Variants in ATP9B observed in about 807,000 individuals in gnomAD.
The protein encoded by ATP9B is ATPase phospholipid transporting 9B, also known as probable phospholipid-transporting ATPase IIB.
Under a neutral mutation model 146.1 loss-of-function variants are expected in ATP9B, and 110 were observed. The ratio of observed to expected loss-of-function variants is 0.75; its 90% CI spans 0.65 to 0.88. The LOEUF is 0.88. Among genes scored for constraint, ATP9B ranks in the 40% least tolerant of loss-of-function variants. ATP9B has a pLI of 0.00. For synonymous variants in ATP9B, 604 were observed against 569.7 expected, an observed-to-expected ratio of 1.06 and a Z score of -0.86; for missense variants, 1,499 against 1,496.4, an observed-to-expected ratio of 1.00 and a Z score of -0.03.
chr18:79,192,298 A>G (rs545775772), intron 8 of ATP9B, among the ~76,000 whole-genome samples: 10 of 152,228 alleles, frequency 6.6e-5, no homozygotes, highest in Admixed American at 3.3e-4. Flanking sequence ...ATGGAAATCA[A>G]AATTATAGAA....
chr18:79,283,728 T>C (rs375488699), intron 13 of ATP9B, among the ~76,000 whole-genome samples: 1 of 152,208 alleles, frequency 6.6e-6, no homozygotes, highest in Non-Finnish European at 1.5e-5. Flanking sequence ...GCAGAGCATA[T>C]TGACACTGAC....
intron 9 of ATP9B, among the ~76,000 whole-genome samples, chr18:79,200,762 C>CTGTCGGGGTCAGAGCAGAG (rs376428579): frequency 5.6e-4 from 15 of 26,784 alleles, no homozygotes; most frequent in African/African-American, 1.2e-3. Flanking sequence ...GAGGTGGGAA[C>CTGTCGGGGTCAGAGCAGAG]GTTGGGGTCA....
rs376573401 is a variant in ATP9B at position 79,069,424 on chromosome 18, T to G, written c.14T>G (p.Ile5Ser). ...GGCGGTCGGAACATGGCGGACCAGA[T>G]CCCGCTTTACCCGGTGCGTAGCGCA... Reference protein sequence around the residue: MADQIPLYPVRSAAA... With the variant: MADQSPLYPVRSAAA... The change falls in exon 1 of 30, where the codon ATC becomes AGC. Residue 5 changes from isoleucine (I) to serine (S), a missense_variant. By Grantham distance (142) the Ile-to-Ser change is moderately radical. Transcript: ENST00000426216. 11 of 1,518,144 alleles carry G rather than the reference T, an allele frequency of 7.2e-6. No individual in the cohort carries two copies. The highest frequency in any genetic ancestry group is 9.7e-6 in the Non-Finnish European group (11 of 1,136,278). 94.0% of individuals were successfully genotyped at this position (1,518,144 alleles called of 1,614,324 possible).
In ATP9B at chr18:79,336,588, T is replaced by C. The variant is rs1467967162; in HGVS notation, c.2029-40T>C. 3.1e-6 allele frequency: 5 copies of C among 1,590,048 alleles called. No homozygotes were observed. In the East Asian group the frequency reaches 1.1e-4, roughly 36 times the overall value. On this transcript the variant is annotated intron_variant, in intron 17 of 29. Coordinates refer to ENST00000426216, the MANE Select transcript of ATP9B (RefSeq NM_198531.5). ...TGGCCCCACACACGGCCACAGGGGC[T>C]CTGCAGGGCCCACCTGTGACTCGGC...
rs561931887 is a variant in ATP9B, at chr18:79,109,843, G to A, written c.294-512G>A. The stretch of plus-strand genomic sequence containing the variant: ...GGCCTCCCAAAGTGCTGGGATTACC[G>A]ATGTGAGCCACCACGCCTGGCCTGA... On this transcript the variant is annotated intron_variant, in intron 2 of 29. Coordinates refer to ENST00000426216, the MANE Select transcript of ATP9B (RefSeq NM_198531.5). Among the ~76,000 whole-genome samples the A allele has an allele frequency of 2.7e-3, 417 of 152,230 alleles. 1 individual carries two copies. Among genetic ancestry groups the A allele is most frequent in the African/African-American group, 7.8e-3 (322 of 41,542 alleles).
intron 7 of ATP9B, among the ~76,000 whole-genome samples, chr18:79,170,172 C>G (rs1213234772): frequency 6.6e-6 from 1 of 152,194 alleles, no homozygotes; most frequent in Non-Finnish European, 1.5e-5. Context: ...CGGTAACTTT[C>G]ATTCACCGGC....
At position 79,153,456 on chromosome 18, in the gene ATP9B, A is replaced by C. The variant is rs531512145; in HGVS notation, c.727-1048A>C. 1.2e-4 allele frequency among the ~76,000 whole-genome samples: 18 copies of C among 152,240 alleles called. No individual in the cohort carries two copies. In the South Asian group the frequency reaches 1.9e-3, roughly 16 times the overall value. On this transcript the variant is annotated intron_variant, in intron 6 of 29. Coordinates refer to ENST00000426216, the MANE Select transcript of ATP9B (RefSeq NM_198531.5). Reference sequence around the variant, plus strand: ...TGTTCAGTCATAGATTTATTCTTTCACATCTATTAAGTGTTTTGTGTATGA... The same window carrying C: ...TGTTCAGTCATAGATTTATTCTTTCCCATCTATTAAGTGTTTTGTGTATGA...
At position 79,374,012 on chromosome 18, in the gene ATP9B, T is replaced by A; in HGVS notation, c.3185T>A (p.Val1062Asp). 6.2e-7 allele frequency: 1 copy of A among 1,614,192 alleles called. No individual in the cohort carries two copies. The highest frequency in any genetic ancestry group is 8.5e-7 in the Non-Finnish European group (1 of 1,180,038). The change falls in exon 28 of 30, where the codon GTC (valine) becomes GAC (aspartate). Residue 1062 changes from valine to aspartate, a missense_variant. Coordinates refer to ENST00000426216, the MANE Select transcript of ATP9B (RefSeq NM_198531.5). Reference protein sequence around the residue: ...LTELLMVALTVRTWHWLMVVA... With the variant: ...LTELLMVALTDRTWHWLMVVA... ...GAGCTGCTGATGGTGGCGCTGACCGTCCGCACGTGGCACTGGCTGATGGTG... is the reference window on the plus strand; with the variant it reads ...GAGCTGCTGATGGTGGCGCTGACCGACCGCACGTGGCACTGGCTGATGGTG...
At position 79,126,302 on chromosome 18, in the gene ATP9B, A is replaced by T. The variant is rs751618287; in HGVS notation, c.594A>T (p.Ala198=). The T allele has an allele frequency of 9.9e-6, 16 of 1,612,468 alleles. No individual in the cohort carries two copies. The highest frequency in any genetic ancestry group is 8.0e-5 in the African/African-American group (6 of 74,912). ...TGGCTGTTACTATGACACGGGAAGC[A>T]ATTGATGAATTTCGGCGTTTTCAGC... ...FVLAVTMTRE[A]IDEFRRFQRD... The change falls in exon 5 of 30, where the codon GCA becomes GCT. Residue 198 remains alanine (A), a synonymous_variant. Coordinates refer to ENST00000426216, the MANE Select transcript of ATP9B (RefSeq NM_198531.5).
chr18:79,283,865 T>G (rs2096405547), intron 13 of ATP9B, among the ~76,000 whole-genome samples: 2 of 152,194 alleles, frequency 1.3e-5, no homozygotes. Flanking sequence ...TGCCATTGTT[T>G]AAAGAACAAT....
chr18:79,079,914 C>T (rs2073063534), intron 1 of ATP9B, among the ~76,000 whole-genome samples: 1 of 152,160 alleles, frequency 6.6e-6, no homozygotes, highest in South Asian at 2.1e-4. Context: ...ATCCTTTCCC[C>T]ATTGCTTGTT....
chr18:79,312,823 C>T (rs530918806), intron 15 of ATP9B, among the ~76,000 whole-genome samples: 12 of 152,312 alleles, frequency 7.9e-5, no homozygotes, highest in African/African-American at 1.9e-4. Context: ...TGTGAAATTA[C>T]GATAAAGAAC....
chr18:79,112,439 T>G (rs1313511385), intron 3 of ATP9B, among the ~76,000 whole-genome samples: 3 of 152,226 alleles, frequency 2.0e-5, no homozygotes, highest in Non-Finnish European at 4.4e-5. Context: ...AGATAACTAT[T>G]TAAAGTGAAA....
intron 11 of ATP9B, among the ~76,000 whole-genome samples, chr18:79,234,606 G>A (rs779211358): frequency 2.6e-5 from 4 of 151,354 alleles, no homozygotes; most frequent in African/African-American, 4.9e-5. Flanking sequence ...CTGTGGGCCT[G>A]CTTGCTGTGG....
chr18:79,126,438 C>G, intron 5 of ATP9B, 63 bp downstream of exon 5: 1 of 1,108,618 alleles, frequency 9.0e-7, no homozygotes, highest in Non-Finnish European at 1.3e-6. Flanking sequence ...TTAGAGTTAA[C>G]ATAACAAATG....
chr18:79,325,225 C>T (rs1467726695), intron 15 of ATP9B, among the ~76,000 whole-genome samples: 1 of 152,078 alleles, frequency 6.6e-6, no homozygotes, highest in Non-Finnish European at 1.5e-5. Context: ...CACTTCTGCC[C>T]TCTGGGATGC....
At chr18:79,095,291 A>G (rs992531546) in intron 1 of ATP9B, among the ~76,000 whole-genome samples, 3 of 151,956 alleles carry the variant, frequency 2.0e-5, no homozygotes, top group African/African-American at 4.8e-5. Flanking sequence ...CCTTGGCTCT[A>G]TGCACCCTCC....
At chr18:79,261,846 G>A (rs1261731010) in intron 12 of ATP9B, among the ~76,000 whole-genome samples, 1 of 152,148 alleles carries the variant, frequency 6.6e-6, no homozygotes, top group Non-Finnish European at 1.5e-5. Context: ...CGTTGTGGGA[G>A]GATGTCTCCT....
At chr18:79,236,477 T>C (rs2148625539) in intron 11 of ATP9B, among the ~76,000 whole-genome samples, 1 of 152,382 alleles carries the variant, frequency 6.6e-6, no homozygotes, top group East Asian at 1.9e-4. Flanking sequence ...ATCAACCTTT[T>C]TTTTTTATGG....
Sources: gnomAD v4.1 joint callset for allele counts (sites outside exome capture counted in the v4.1 genomes callset) on GRCh38, gnomAD v4.1.1 for gene constraint, MANE v1.5 for transcripts, NCBI Gene and HGNC (gene_info 2026-07-23, HGNC 2026-07-21) for gene names.